P4HA2: variants seen among roughly 807,000 people sequenced by gnomAD.
P4HA2 encodes prolyl 4-hydroxylase subunit alpha-2.
In P4HA2, 46 loss-of-function variants were observed where a neutral mutation model predicts 76.9. The ratio of observed to expected loss-of-function variants is 0.60; its 90% CI spans 0.47 to 0.76. The LOEUF is 0.76. P4HA2 is among the 30% of genes least tolerant of loss of function. The pLI is 0.00. For synonymous variants in P4HA2, 243 were observed against 254.0 expected, an observed-to-expected ratio of 0.96 and a Z score of 0.41; for missense variants, 583 against 669.4, an observed-to-expected ratio of 0.87 and a Z score of 1.42.
chr5:132,203,801 G>T lies in P4HA2; in HGVS notation c.1198C>A (p.Arg400Ser). 6.2e-7 allele frequency: 1 copy of T among 1,613,760 alleles called. No homozygotes were observed. Residue 400 changes from arginine to serine, a missense_variant, in exon 10 of 15, where the codon CGT becomes AGT. By Grantham distance (110) the Arg-to-Ser change is moderately radical. Coordinates refer to ENST00000360568, the MANE Select transcript of P4HA2 (RefSeq NM_001017974.2). ...AACCCTGTGATATGCTGCATCCGAC[G>T]ATTTACTCGGGCCACAACAGGGTCA... ...DDDPVVARVN[R>S]RMQHITGLTV...
rs537214205 is a variant in P4HA2, at chr5:132,219,546, G to A, written c.-18-902C>T. ...GTCCACAACAGAAGCCTCCGATACC[G>A]TCTCCCAGCTCAGCCATGCAGCCTA... On this transcript the variant is annotated intron_variant, in intron 1 of 14. Coordinates refer to ENST00000360568, the MANE Select transcript of P4HA2 (RefSeq NM_001017974.2). Among the ~76,000 whole-genome samples, 164 of 152,106 alleles carry A rather than the reference G, an allele frequency of 1.1e-3. 1 individual carries two copies. The highest frequency in any genetic ancestry group is 3.4e-3 in the African/African-American group (142 of 41,484).
At chr5:132,208,122 A>G (rs1218508514) in intron 7 of P4HA2, among the ~76,000 whole-genome samples, 1 of 151,340 alleles carries the variant, frequency 6.6e-6, no homozygotes, top group Non-Finnish European at 1.5e-5. Flanking sequence ...AGCCTAGATG[A>G]CATAGACCTG....
In P4HA2 at chr5:132,191,444, G is replaced by A. The variant is rs1017858518; in HGVS notation, c.*1566C>T. Among the ~76,000 whole-genome samples the A allele has an allele frequency of 4.0e-5, 6 of 149,290 alleles. No homozygotes were observed. The highest frequency in any genetic ancestry group is 3.9e-4 in the East Asian group (2 of 5,130). On this transcript the variant is annotated 3_prime_UTR_variant, in exon 15 of 15. Coordinates refer to ENST00000360568, the MANE Select transcript of P4HA2 (RefSeq NM_001017974.2). ...GGAGAATGGCGTGAACCCGGGAGGC[G>A]GAGCTTGCAGTGAGCCGAGATCCCG...
At chr5:132,214,163 GC>G in intron 4 of P4HA2, 110 bp from the exon 5 acceptor site, 2 of 1,067,996 alleles carry the variant, frequency 1.9e-6, no homozygotes, top group Non-Finnish European at 2.7e-6. Context: ...AAATTTCCCC[GC>G]CCCCTCCCTC....
At chr5:132,193,187 AAAT>A in intron 14 of P4HA2, 107 bp from the exon 15 acceptor site, 1 of 749,194 alleles carries the variant, frequency 1.3e-6, no homozygotes. Context: ...AATCAGACAC[AAAT>A]AAGACAAGAC....
intron 12 of P4HA2, among the ~76,000 whole-genome samples, chr5:132,197,453 C>A (rs528315253): frequency 6.6e-6 from 1 of 151,828 alleles, no homozygotes; most frequent in Non-Finnish European, 1.5e-5. Flanking sequence ...ACTAAAAATA[C>A]AAAAATTAGC....
intron 10 of P4HA2, chr5:132,201,818 AAGAC>A (rs1214447348): frequency 1.3e-5 from 2 of 152,166 alleles, no homozygotes; most frequent in Non-Finnish European, 2.9e-5. Context: ...GGGTGAGTGT[AAGAC>A]AGGGATACAG....
Position 132,195,450 on chromosome 5 carries a change from C to T in P4HA2, c.1396G>A (p.Val466Ile), listed in dbSNP as rs766442821. 40 of 1,613,212 alleles carry T rather than the reference C, an allele frequency of 2.5e-5. No individual in the cohort carries two copies. In the Admixed American group the frequency reaches 3.7e-4, roughly 15 times the overall value. Reference protein sequence around the residue: ...MSDVEAGGATVFPDLGAAIWP... With the variant: ...MSDVEAGGATIFPDLGAAIWP... ...ATTGCAGCCCCCAGATCAGGGAAGA[C>T]GGTGGCACCACCAGCTTCTACATCA... The change falls in exon 13 of 15, where the codon GTC (valine) becomes ATC (isoleucine). Residue 466 changes from valine (V) to isoleucine (I), a missense_variant. By Grantham distance (29) the Val-to-Ile change is conservative (BLOSUM62 3). Transcript: ENST00000360568.
chr5:132,225,758 C>T (rs1393853954), intron 1 of P4HA2, among the ~76,000 whole-genome samples: 3 of 152,204 alleles, frequency 2.0e-5, no homozygotes, highest in African/African-American at 7.2e-5. Flanking sequence ...ACTAAGTAAG[C>T]ACTGTCTAGA....
chr5:132,214,544 G>A (rs904857149), intron 4 of P4HA2, among the ~76,000 whole-genome samples: 1 of 152,098 alleles, frequency 6.6e-6, no homozygotes, highest in Non-Finnish European at 1.5e-5. Flanking sequence ...GGAGTCCAAG[G>A]GACAATGACA....
chr5:132,202,596 AC>A (rs1168604765), intron 10 of P4HA2: 2 of 152,240 alleles, frequency 1.3e-5, no homozygotes, highest in African/African-American at 4.8e-5. Context: ...CAATTTTACA[AC>A]AGAACACAGA....
chr5:132,204,353 A>G (rs1052516701), intron 8 of P4HA2, among the ~76,000 whole-genome samples: 1 of 152,148 alleles, frequency 6.6e-6, no homozygotes, highest in African/African-American at 2.4e-5. Flanking sequence ...CCAATCCGCA[A>G]TCAGTTCCTG....
intron 10 of P4HA2, chr5:132,199,648 T>C (rs771984973): frequency 6.6e-6 from 1 of 152,286 alleles, no homozygotes; most frequent in Non-Finnish European, 1.5e-5. Flanking sequence ...TCACAATTAT[T>C]GTCTCAGCGT....
chr5:132,217,378 T>C lies in P4HA2; in HGVS notation c.180-30A>G, dbSNP rs184211154. Reference sequence around the variant, plus strand: ...GGAACCAGAGGAAAAGGAAGACTAATGCGTCCACCCACATAGGTCTTGACC... The same window carrying C: ...GGAACCAGAGGAAAAGGAAGACTAACGCGTCCACCCACATAGGTCTTGACC... On this transcript the variant is annotated intron_variant, in intron 3 of 14. Coordinates refer to ENST00000360568, the MANE Select transcript of P4HA2 (RefSeq NM_001017974.2). 2.1e-4 allele frequency: 339 copies of C among 1,612,462 alleles called. 2 individuals carry two copies. In the East Asian group the frequency reaches 6.7e-3, roughly 32 times the overall value.
intron 1 of P4HA2, among the ~76,000 whole-genome samples, chr5:132,224,205 C>T (rs1339496237): frequency 6.6e-6 from 1 of 152,348 alleles, no homozygotes; most frequent in East Asian, 1.9e-4. Flanking sequence ...AATGGACAGG[C>T]ACACCTGCCC....
At chr5:132,207,623 G>C in intron 8 of P4HA2, 85 bp downstream of exon 8, 1 of 1,227,278 alleles carries the variant, frequency 8.1e-7, no homozygotes, top group Non-Finnish European at 1.2e-6. Flanking sequence ...GGCTAGATGG[G>C]CAAACCAACC....
intron 12 of P4HA2, among the ~76,000 whole-genome samples, chr5:132,197,629 AAAG>A (rs1262111764): frequency 3.9e-4 from 58 of 150,456 alleles, no homozygotes; most frequent in African/African-American, 1.1e-3. Flanking sequence ...AAAAAAAAAA[AAAG>A]AAGAAGAAGA....
intron 3 of P4HA2, 76 bp from the exon 4 acceptor site, chr5:132,217,424 G>A: frequency 7.0e-7 from 1 of 1,436,910 alleles, no homozygotes; most frequent in Non-Finnish European, 9.7e-7. Flanking sequence ...TTCCTAGTGA[G>A]AATTCCCTGG....
intron 1 of P4HA2, chr5:132,222,092 A>T (rs1754719817): frequency 6.6e-6 from 1 of 152,290 alleles, no homozygotes; most frequent in Non-Finnish European, 1.5e-5. Context: ...ACCCAAATGC[A>T]ACAGCCTGAG....
Sources: gnomAD v4.1 joint callset for allele counts (sites outside exome capture counted in the v4.1 genomes callset) on GRCh38, gnomAD v4.1.1 for gene constraint, MANE v1.5 for transcripts, NCBI Gene and HGNC (gene_info 2026-07-23, HGNC 2026-07-21) for gene names.